Variants in PKHD1 observed in about 807,000 individuals in gnomAD.
PKHD1 encodes the protein PKHD1 ciliary IPT domain containing fibrocystin/polyductin.
PKHD1 carries 291 observed loss-of-function variants against 412.0 expected under a neutral mutation model. The observed-to-expected ratio is 0.71, with a 90% CI of 0.64 to 0.78. PKHD1 has a LOEUF of 0.78. Among genes scored for constraint, PKHD1 ranks in the 30% least tolerant of loss-of-function variants. The pLI, the probability that PKHD1 is intolerant of heterozygous loss-of-function variation, is 0.00. For missense variants in PKHD1, 4,825 were observed against 4,950.7 expected (o/e 0.97, Z 0.76); for synonymous variants, 1,777 against 1,821.5 (o/e 0.98, Z 0.62).
rs533344705 is a variant in PKHD1, at chr6:52,066,832, G to A, written c.779-755C>T. On this transcript the variant is annotated intron_variant, in intron 11 of 66. Transcript: ENST00000371117. The stretch of plus-strand genomic sequence containing the variant: ...GGAGAATTGCTTGAACCCAGGAGGC[G>A]GAGGTTGCACTGAGCCAAGATGGTG... 5.3e-5 allele frequency among the ~76,000 whole-genome samples: 8 copies of A among 152,184 alleles called. No individual in the cohort carries two copies. The South Asian group carries it at 1.5e-3, about 28-fold the overall frequency.
intron 13 of PKHD1, 129 bp downstream of exon 13, chr6:52,064,826 G>C: frequency 2.2e-6 from 1 of 446,876 alleles, no homozygotes; most frequent in Admixed American, 2.6e-5. Flanking sequence ...TGGTATCATG[G>C]ACCCAGGGCT....
intron 35 of PKHD1, among the ~76,000 whole-genome samples, chr6:52,005,963 G>A (rs541374021): frequency 2.0e-5 from 3 of 147,940 alleles, no homozygotes; most frequent in Non-Finnish European, 4.5e-5. Flanking sequence ...AGGCAGTCCT[G>A]CGGCCCTAAA....
At chr6:51,915,430 A>G (rs1287531909) in intron 37 of PKHD1, among the ~76,000 whole-genome samples, 1 of 152,104 alleles carries the variant, frequency 6.6e-6, no homozygotes, top group Non-Finnish European at 1.5e-5. Context: ...ACTAAACATA[A>G]CAGCAAAAAC....
At chr6:52,036,960 A>C (rs945413982) in intron 27 of PKHD1, among the ~76,000 whole-genome samples, 2 of 152,206 alleles carry the variant, frequency 1.3e-5, no homozygotes, top group African/African-American at 4.8e-5. Flanking sequence ...TTAATGAAAA[A>C]TAAACAAGAA....
chr6:51,836,512 T>C (rs1162629292), intron 50 of PKHD1, 43 bp from the exon 51 acceptor site: 2 of 1,356,814 alleles, frequency 1.5e-6, no homozygotes, highest in Non-Finnish European at 1.1e-6. Context: ...ACAAAGATCA[T>C]CTTAATATTA....
rs182788538 is a variant in PKHD1, at chr6:51,739,782, C to A, written c.10156+4603G>T. On this transcript the variant is annotated intron_variant, in intron 60 of 66. Transcript: ENST00000371117. ...TGCTAGTTTTCATTTTACCTCCCTT[C>A]CACTTTTTTTTTTGTCATGGCTGAG... Among the ~76,000 whole-genome samples, 31 of 152,214 alleles carry A rather than the reference C, an allele frequency of 2.0e-4. 1 individual carries two copies. Among genetic ancestry groups the A allele is most frequent in the Admixed American group, 2.0e-3 (30 of 15,300 alleles).
chr6:52,066,026 A>T lies in PKHD1; in HGVS notation c.830T>A (p.Ile277Asn). 6.2e-7 allele frequency: 1 copy of T among 1,604,240 alleles called. No homozygotes were observed. The highest frequency in any genetic ancestry group is 8.5e-7 in the Non-Finnish European group (1 of 1,171,664). ...GTCAAAAAAGTCTCCTGTAATTGTG[A>T]TGTTTGTTCTTCCCCCAAGGCTCCC... is the stretch of plus-strand genomic sequence containing the variant. ...ETGSLGGRTN[I>N]TITGDFFDNS... Residue 277 changes from isoleucine to asparagine, a missense_variant, in exon 12 of 67, where the codon ATC becomes AAC. Physicochemically the swap from Ile to Asn is moderately radical, Grantham distance 149. Coordinates refer to ENST00000371117, the MANE Select transcript of PKHD1 (RefSeq NM_138694.4).
At chr6:52,013,529 C>T (rs1274538999) in intron 34 of PKHD1, among the ~76,000 whole-genome samples, 1 of 151,974 alleles carries the variant, frequency 6.6e-6, no homozygotes, top group Non-Finnish European at 1.5e-5. Context: ...GTTTCTTCCA[C>T]AATAATCCTA....
At chr6:52,002,395 GC>G (rs1056219737) in intron 35 of PKHD1, among the ~76,000 whole-genome samples, 3 of 152,126 alleles carry the variant, frequency 2.0e-5, no homozygotes, top group Non-Finnish European at 2.9e-5. Flanking sequence ...CCCTAAGAAG[GC>G]AAAGCCCTTT....
At chr6:51,739,317 G>A (rs1424734403) in intron 60 of PKHD1, among the ~76,000 whole-genome samples, 1 of 151,916 alleles carries the variant, frequency 6.6e-6, no homozygotes, top group Non-Finnish European at 1.5e-5. Flanking sequence ...TGTAACCCCC[G>A]CCTCCCGGGT....
intron 65 of PKHD1, among the ~76,000 whole-genome samples, chr6:51,628,536 A>G (rs1224270965): frequency 6.6e-5 from 10 of 152,202 alleles, no homozygotes; most frequent in African/African-American, 2.4e-4. Context: ...TGCAATAAAC[A>G]TTCAAATACA....
intron 52 of PKHD1, among the ~76,000 whole-genome samples, chr6:51,820,844 G>A (rs553700541): frequency 8.5e-5 from 13 of 152,252 alleles, no homozygotes; most frequent in Middle Eastern, 3.4e-3. Context: ...TCCCTCAAGG[G>A]AGTATAATCA....
intron 33 of PKHD1, 117 bp downstream of exon 33, chr6:52,022,683 AG>A: frequency 1.0e-6 from 1 of 998,012 alleles, no homozygotes; most frequent in Non-Finnish European, 1.5e-6. Context: ...TTCTTTTCCT[AG>A]GCACACATAG....
intron 38 of PKHD1, 95 bp downstream of exon 38, chr6:51,912,271 T>C: frequency 1.2e-6 from 1 of 822,638 alleles, no homozygotes; most frequent in South Asian, 1.3e-5. Context: ...AGAAGAAATA[T>C]ATCATTGAAA....
intron 52 of PKHD1, among the ~76,000 whole-genome samples, chr6:51,829,394 G>A (rs1283689909): frequency 6.6e-6 from 1 of 152,124 alleles, no homozygotes; most frequent in Non-Finnish European, 1.5e-5. Flanking sequence ...CTAAAAGCTT[G>A]GCAACCTTCA....
intron 60 of PKHD1, among the ~76,000 whole-genome samples, chr6:51,743,832 G>C (rs774003236): frequency 6.6e-6 from 1 of 152,154 alleles, no homozygotes; most frequent in Admixed American, 6.5e-5. Flanking sequence ...ATCTCTCCAG[G>C]GGTCCAGCCA....
intron 31 of PKHD1, among the ~76,000 whole-genome samples, chr6:52,027,566 G>A: frequency 2.2e-5 from 3 of 137,194 alleles, no homozygotes; most frequent in Non-Finnish European, 3.2e-5. Context: ...GAAGAAGAAG[G>A]AGAAGAAGAA....
intron 33 of PKHD1, among the ~76,000 whole-genome samples, chr6:52,019,339 G>T (rs933372969): frequency 7.2e-5 from 11 of 152,198 alleles, no homozygotes; most frequent in African/African-American, 2.2e-4. Flanking sequence ...ATGCAATCAT[G>T]CCCAAATAGT....
At chr6:51,982,027 G>A (rs1795404343) in intron 35 of PKHD1, among the ~76,000 whole-genome samples, 1 of 79,678 alleles carries the variant, frequency 1.3e-5, no homozygotes, top group African/African-American at 3.2e-5. Flanking sequence ...TGGGAGGTGA[G>A]GAGCGTCTCT....
Sources: gnomAD v4.1 joint callset for allele counts (sites outside exome capture counted in the v4.1 genomes callset) on GRCh38, gnomAD v4.1.1 for gene constraint, MANE v1.5 for transcripts, NCBI Gene and HGNC (gene_info 2026-07-23, HGNC 2026-07-21) for gene names.